Variants in KCND2 observed in about 807,000 individuals in gnomAD.
The protein encoded by KCND2 is A-type voltage-gated potassium channel KCND2.
A neutral mutation model predicts 54.4 loss-of-function variants in KCND2; 16 were observed. That is an observed-to-expected ratio of 0.29 (90% CI 0.20 to 0.45). The LOEUF (loss-of-function observed/expected upper bound fraction) is 0.45. Ranked by LOEUF, KCND2 falls within the 20% of genes least tolerant of loss-of-function variation. KCND2 has a pLI of 1.00. For synonymous variants in KCND2, 317 were observed against 310.7 expected (o/e 1.02, Z -0.21); for missense variants, 486 against 824.2 (o/e 0.59, Z 5.02).
chr7:120,532,771 T>C (rs1185526987), intron 1 of KCND2, among the ~76,000 whole-genome samples: 1 of 152,002 alleles, frequency 6.6e-6, no homozygotes, highest in Non-Finnish European at 1.5e-5. Flanking sequence ...ACTATATGCA[T>C]ATTATCTGAG....
chr7:120,628,349 C>A (rs1008648973), intron 1 of KCND2, among the ~76,000 whole-genome samples: 3 of 152,152 alleles, frequency 2.0e-5, no homozygotes, highest in Admixed American at 6.5e-5. Context: ...GGTGAAACCT[C>A]AGTACTCTTA....
In KCND2 at chr7:120,535,287, C is replaced by T. The variant is rs1453260130; in HGVS notation, c.1116-197616C>T. Reference sequence around the variant, plus strand: ...TAAGTTTATTCTGCTTATTTGGACACTTTTAGTCATAAATCATTTATTATT... The same window carrying T: ...TAAGTTTATTCTGCTTATTTGGACATTTTTAGTCATAAATCATTTATTATT... On this transcript the variant is annotated intron_variant, in intron 1 of 5. Coordinates refer to ENST00000331113, the MANE Select transcript of KCND2 (RefSeq NM_012281.3). Among the ~76,000 whole-genome samples the T allele has an allele frequency of 2.0e-5, 3 of 152,076 alleles. No individual in the cohort carries two copies. In the South Asian group the frequency reaches 6.2e-4, roughly 32 times the overall value.
chr7:120,446,029 C>A lies in KCND2; in HGVS notation c.1115+170282C>A, dbSNP rs1316436883. Among the ~76,000 whole-genome samples the A allele has an allele frequency of 4.6e-5, 7 of 152,204 alleles. No homozygotes were observed. In the East Asian group the frequency reaches 1.3e-3, roughly 29 times the overall value. On this transcript the variant is annotated intron_variant, in intron 1 of 5. Coordinates refer to ENST00000331113, the MANE Select transcript of KCND2 (RefSeq NM_012281.3). ...GGCACTCAATAAATATTTGTTTAAT[C>A]CATTAACCTTTATCAAAACAAATAT...
At chr7:120,341,958 A>G (rs1800245691) in intron 1 of KCND2, among the ~76,000 whole-genome samples, 2 of 152,158 alleles carry the variant, frequency 1.3e-5, no homozygotes, top group Non-Finnish European at 1.5e-5. Flanking sequence ...TATAGTAACA[A>G]TAGAAGTGGC....
chr7:120,287,074 T>C (rs1311122076), intron 1 of KCND2, among the ~76,000 whole-genome samples: 2 of 152,038 alleles, frequency 1.3e-5, no homozygotes, highest in African/African-American at 2.4e-5. Flanking sequence ...TACTATCTAA[T>C]AGAAATTTGG....
At chr7:120,400,506 T>C (rs1801234950) in intron 1 of KCND2, among the ~76,000 whole-genome samples, 1 of 152,208 alleles carries the variant, frequency 6.6e-6, no homozygotes, top group Middle Eastern at 3.2e-3. Flanking sequence ...TTTTTCAAAC[T>C]GTCTTTATAC....
At chr7:120,484,329 A>T (rs1321591140) in intron 1 of KCND2, among the ~76,000 whole-genome samples, 1 of 151,990 alleles carries the variant, frequency 6.6e-6, no homozygotes, top group East Asian at 1.9e-4. Flanking sequence ...CTAATTTTCT[A>T]TTTTTTGTAG....
chr7:120,581,584 A>G (rs563125036), intron 1 of KCND2, among the ~76,000 whole-genome samples: 2 of 152,318 alleles, frequency 1.3e-5, no homozygotes, highest in African/African-American at 4.8e-5. Context: ...GAGAGAAGCA[A>G]TCTTCCACCT....
intron 1 of KCND2, among the ~76,000 whole-genome samples, chr7:120,643,432 G>C (rs190601664): frequency 1.6e-4 from 25 of 152,106 alleles, no homozygotes; most frequent in Non-Finnish European, 3.2e-4. Context: ...AAATGCAAAA[G>C]CAAGCTCTGT....
intron 1 of KCND2, among the ~76,000 whole-genome samples, chr7:120,492,617 C>G (rs1260539843): frequency 6.6e-6 from 1 of 152,074 alleles, no homozygotes; most frequent in Non-Finnish European, 1.5e-5. Flanking sequence ...AAACGCAAAG[C>G]AGCTCTCTAG....
intron 1 of KCND2, among the ~76,000 whole-genome samples, chr7:120,420,346 G>A (rs943617866): frequency 1.3e-5 from 2 of 152,176 alleles, no homozygotes; most frequent in Non-Finnish European, 2.9e-5. Flanking sequence ...CCCACTACCA[G>A]TGGTTCAATA....
chr7:120,289,467 A>G (rs916134971), intron 1 of KCND2, among the ~76,000 whole-genome samples: 1 of 152,098 alleles, frequency 6.6e-6, no homozygotes, highest in Non-Finnish European at 1.5e-5. Flanking sequence ...ACAATAGAAC[A>G]TGGTCTGAGA....
chr7:120,586,359 T>A (rs1792600527), intron 1 of KCND2, among the ~76,000 whole-genome samples: 1 of 152,206 alleles, frequency 6.6e-6, no homozygotes, highest in South Asian at 2.1e-4. Flanking sequence ...ATTTAAATAA[T>A]GAACTCCTCT....
At chr7:120,430,568 C>T (rs1293555836) in intron 1 of KCND2, among the ~76,000 whole-genome samples, 7 of 151,912 alleles carry the variant, frequency 4.6e-5, no homozygotes, top group African/African-American at 7.3e-5. Flanking sequence ...AAAAAAAAAT[C>T]TGATTATAGA....
chr7:120,661,607 G>A (rs1791866800), intron 1 of KCND2, among the ~76,000 whole-genome samples: 2 of 151,034 alleles, frequency 1.3e-5, no homozygotes, highest in Non-Finnish European at 2.9e-5. Flanking sequence ...CCAAGATCAC[G>A]CCACCGCACT....
intron 1 of KCND2, among the ~76,000 whole-genome samples, chr7:120,625,588 A>G (rs1261074293): frequency 1.3e-5 from 2 of 152,150 alleles, no homozygotes; most frequent in Admixed American, 6.5e-5. Context: ...CTCATACTAT[A>G]TATTTGGGAG....
intron 1 of KCND2, among the ~76,000 whole-genome samples, chr7:120,470,497 A>G (rs569462405): frequency 6.6e-6 from 1 of 152,190 alleles, no homozygotes; most frequent in South Asian, 2.1e-4. Context: ...GTGCCATTAT[A>G]TCATTTTTCC....
intron 1 of KCND2, among the ~76,000 whole-genome samples, chr7:120,648,706 A>C (rs1168845019): frequency 6.6e-6 from 1 of 152,206 alleles, no homozygotes; most frequent in Admixed American, 6.5e-5. Context: ...TAAGCCTATT[A>C]AAATTGCAAA....
Position 120,341,537 on chromosome 7 carries a change from G to C in KCND2, c.1115+65790G>C, listed in dbSNP as rs568836465. ...TGACTGCTAGAGTTGGGATACTAGA[G>C]CAAATGAGCTAGAAAGATAGAAGAT... On this transcript the variant is annotated intron_variant, in intron 1 of 5. Transcript: ENST00000331113. Among the ~76,000 whole-genome samples, 18 of 152,226 alleles carry C rather than the reference G, an allele frequency of 1.2e-4. No individual in the cohort carries two copies. The South Asian group carries it at 3.7e-3, about 32-fold the overall frequency.
Sources: allele counts gnomAD v4.1 joint callset (sites outside exome capture counted in the v4.1 genomes callset), GRCh38; gene constraint gnomAD v4.1.1; transcripts MANE v1.5; gene names NCBI Gene and HGNC (gene_info 2026-07-23, HGNC 2026-07-21).